DKK4: variants seen among roughly 807,000 people sequenced by gnomAD.
The protein encoded by DKK4 is dickkopf Wnt signaling pathway inhibitor 4.
In DKK4, 15 loss-of-function variants were observed where a neutral mutation model predicts 14.5. That is an observed-to-expected ratio of 1.03 (90% CI 0.69 to 1.59). The LOEUF (loss-of-function observed/expected upper bound fraction) is 1.59. Ranked by LOEUF, DKK4 falls within the 40% of genes most tolerant of loss-of-function variation. The pLI, the probability that DKK4 is intolerant of heterozygous loss-of-function variation, is 0.00. For synonymous variants in DKK4, 89 were observed against 105.2 expected (o/e 0.85, Z 0.94); for missense variants, 272 against 280.3 (o/e 0.97, Z 0.21).
chr8:42,384,692 T>C, the DKK4 span, among the ~76,000 whole-genome samples: 1 of 151,704 alleles, frequency 6.6e-6, no homozygotes, highest in African/African-American at 2.4e-5. Flanking sequence ...ATGTTAAAAA[T>C]GAAGACACCG....
rs1824577245 is a variant in DKK4, at chr8:42,376,996, C to T, written c.50G>A (p.Gly17Glu). The change falls in exon 1 of 4, where the codon GGA (glycine) becomes GAA (glutamate). Residue 17 changes from glycine (G) to glutamate (E), a missense_variant. Coordinates refer to ENST00000220812, the MANE Select transcript of DKK4 (RefSeq NM_014420.3). ...LGLSWLCSPL[G>E]ALVLDFNNIR... ...GTTGTTGAAGTCCAGGACCAGAGCT[C>T]CCAGGGGAGAGCAGAGCCAGCTCAG... 6.2e-7 allele frequency: 1 copy of T among 1,613,592 alleles called. No individual in the cohort carries two copies. Among genetic ancestry groups the T allele is most frequent in the Non-Finnish European group, 8.5e-7 (1 of 1,180,028 alleles).
the DKK4 span, among the ~76,000 whole-genome samples, chr8:42,390,510 C>T: frequency 6.6e-6 from 1 of 150,976 alleles, no homozygotes. Flanking sequence ...ACTACAGGCG[C>T]CCGCCACCAC....
At position 42,377,115 on chromosome 8, in the gene DKK4, G is replaced by T; in HGVS notation, c.-70C>A. On this transcript the variant is annotated 5_prime_UTR_variant, in exon 1 of 4. In the 5' UTR this introduces an upstream ATG that the reference lacks. Coordinates refer to ENST00000220812, the MANE Select transcript of DKK4 (RefSeq NM_014420.3). ...CCAAAGCGAGGCTGCTCTCCACCCAGAGCAGAGCTTCCACTAAGCTGGCAG... is the reference window on the plus strand; with the variant it reads ...CCAAAGCGAGGCTGCTCTCCACCCATAGCAGAGCTTCCACTAAGCTGGCAG... The T allele has an allele frequency of 7.7e-7, 1 of 1,299,956 alleles. No individual in the cohort carries two copies. The allele number at this position is 1,299,956 out of a possible 1,614,324, so 80.5% of individuals were successfully genotyped here. A position where few individuals can be genotyped will look rare whatever the true frequency, so the allele number is the denominator to read the frequency against.
the DKK4 span, among the ~76,000 whole-genome samples, chr8:42,389,096 A>T: frequency 2.0e-5 from 3 of 152,092 alleles, no homozygotes; most frequent in Non-Finnish European, 4.4e-5. Context: ...GGCACATGCC[A>T]CCCATGCCTG....
chr8:42,386,169 A>G, the DKK4 span, among the ~76,000 whole-genome samples: 1 of 151,930 alleles, frequency 6.6e-6, no homozygotes, highest in South Asian at 2.1e-4. Flanking sequence ...AGTGCACTAC[A>G]GCCTGAAACT....
the DKK4 span, among the ~76,000 whole-genome samples, chr8:42,383,664 C>G: frequency 6.6e-6 from 1 of 152,142 alleles, no homozygotes; most frequent in Non-Finnish European, 1.5e-5. Context: ...TCAGGTTGGC[C>G]GGGCACGGTG....
the DKK4 span, among the ~76,000 whole-genome samples, chr8:42,389,412 A>C: frequency 2.6e-5 from 4 of 152,188 alleles, no homozygotes; most frequent in Non-Finnish European, 5.9e-5. Flanking sequence ...AGCTCACTTT[A>C]TTTCGCCTAC....
the DKK4 span, among the ~76,000 whole-genome samples, chr8:42,383,658 G>A: frequency 6.6e-6 from 1 of 152,164 alleles, no homozygotes; most frequent in South Asian, 2.1e-4. Flanking sequence ...ATAAAATCAG[G>A]TTGGCCGGGC....
upstream of DKK4, among the ~76,000 whole-genome samples, chr8:42,380,750 G>GAA (rs796397664): frequency 4.6e-3 from 653 of 142,692 alleles, 5 homozygotes; most frequent in African/African-American, 0.016. Flanking sequence ...AGTGGAAAGA[G>GAA]AGAGAGAGAG....
chr8:42,380,226 A>G (rs956846567), upstream of DKK4, among the ~76,000 whole-genome samples: 1 of 151,978 alleles, frequency 6.6e-6, no homozygotes, highest in South Asian at 2.1e-4. Flanking sequence ...CTAGCTATTC[A>G]GGAGGCTGAG....
intron 2 of DKK4, 146 bp downstream of exon 2, chr8:42,375,534 G>A (rs1308289140): frequency 4.0e-6 from 4 of 996,422 alleles, no homozygotes; most frequent in Non-Finnish European, 4.2e-6. Flanking sequence ...AAAAAAAAAA[G>A]GAAAAGAAAA....
chr8:42,389,829 T>C, the DKK4 span, among the ~76,000 whole-genome samples: 3 of 152,204 alleles, frequency 2.0e-5, no homozygotes, highest in Non-Finnish European at 2.9e-5. Flanking sequence ...CACTTCTAAA[T>C]ACTTCAGCAT....
chr8:42,378,475 G>A (rs892967732), upstream of DKK4, among the ~76,000 whole-genome samples: 4 of 152,062 alleles, frequency 2.6e-5, no homozygotes, highest in Admixed American at 6.6e-5. Context: ...TCTACCTCTC[G>A]TATGGAAGTT....
chr8:42,386,568 T>A, the DKK4 span, among the ~76,000 whole-genome samples: 1 of 152,186 alleles, frequency 6.6e-6, no homozygotes, highest in East Asian at 1.9e-4. Context: ...CTCGGCTCAC[T>A]GTAGCCTCAA....
upstream of DKK4, among the ~76,000 whole-genome samples, chr8:42,379,423 A>AGG (rs1824631109): frequency 8.1e-6 from 1 of 123,014 alleles, no homozygotes; most frequent in African/African-American, 3.1e-5. Context: ...AGAGAGAGAG[A>AGG]GAGAAAGATT....
At chr8:42,385,276 C>A in the DKK4 span, among the ~76,000 whole-genome samples, 4 of 152,002 alleles carry the variant, frequency 2.6e-5, no homozygotes, top group Non-Finnish European at 5.9e-5. Flanking sequence ...CCTGTAGTCC[C>A]AGCTACTCGG....
the DKK4 span, among the ~76,000 whole-genome samples, chr8:42,386,594 C>A: frequency 1.3e-5 from 2 of 152,066 alleles, no homozygotes; most frequent in African/African-American, 4.8e-5. Context: ...TGGTCTCAAG[C>A]GATCCTCCCA....
At position 42,375,668 on chromosome 8, in the gene DKK4, T is replaced by A; in HGVS notation, c.262+12A>T. 2 of 1,612,842 alleles carry A rather than the reference T, an allele frequency of 1.2e-6. No homozygotes were observed. Among genetic ancestry groups the A allele is most frequent in the Non-Finnish European group, 1.7e-6 (2 of 1,180,008 alleles). On this transcript the variant is annotated intron_variant, in intron 2 of 3. Transcript: ENST00000220812. The stretch of plus-strand genomic sequence containing the variant: ...TCGGTTTAAAAACCACTGTTGGCGT[T>A]ATGTCGCTCACCGTTCACACAGAGT...
the DKK4 span, among the ~76,000 whole-genome samples, chr8:42,388,995 C>T: frequency 6.6e-6 from 1 of 152,178 alleles, no homozygotes; most frequent in Admixed American, 6.5e-5. Context: ...CAGGCTGTAG[C>T]GCAGTGGCGC....
Sources: gnomAD v4.1 joint callset for allele counts (sites outside exome capture counted in the v4.1 genomes callset) on GRCh38, gnomAD v4.1.1 for gene constraint, MANE v1.5 for transcripts, NCBI Gene and HGNC (gene_info 2026-07-23, HGNC 2026-07-21) for gene names.